Variants in IARS2 observed in about 807,000 individuals in gnomAD.
The protein encoded by IARS2 is isoleucine--tRNA ligase, mitochondrial.
A neutral mutation model predicts 126.3 loss-of-function variants in IARS2; 56 were observed. The observed-to-expected ratio is 0.44, with a 90% CI of 0.36 to 0.55. The LOEUF (loss-of-function observed/expected upper bound fraction) is 0.55, where lower values mean the gene tolerates loss of function less well. Ranked by LOEUF, IARS2 falls within the 20% of genes least tolerant of loss-of-function variation. The pLI, the probability that IARS2 is intolerant of heterozygous loss-of-function variation, is 0.00. For missense variants in IARS2, 1,127 were observed against 1,245.9 expected, an observed-to-expected ratio of 0.90 and a Z score of 1.44; for synonymous variants, 407 against 441.1, an observed-to-expected ratio of 0.92 and a Z score of 0.97.
In IARS2 at chr1:220,147,528, A is replaced by AT. The variant is rs748998893; in HGVS notation, c.2934dup (p.Val979CysfsTer51). On this transcript the variant is annotated frameshift_variant, in exon 23 of 23. Transcript: ENST00000366922. LOFTEE classifies it high-confidence loss of function. ...TCGTGAAGAGTCTTCCTATAAAGTA[A>AT]TTGTCATGCCGACTACGAAAGAAAA... 1 of 1,614,132 alleles carries AT rather than the reference A, an allele frequency of 6.2e-7. No individual in the cohort carries two copies. Among genetic ancestry groups the AT allele is most frequent in the Non-Finnish European group, 8.5e-7 (1 of 1,179,974 alleles).
At chr1:220,135,551 G>T (rs886711121) in intron 15 of IARS2, among the ~76,000 whole-genome samples, 3 of 151,988 alleles carry the variant, frequency 2.0e-5, no homozygotes, top group Non-Finnish European at 2.9e-5. Flanking sequence ...ATAGAGACGG[G>T]ATTTCACCAT....
intron 14 of IARS2, among the ~76,000 whole-genome samples, chr1:220,134,001 A>G (rs959218663): frequency 2.0e-5 from 3 of 151,114 alleles, no homozygotes; most frequent in African/African-American, 7.3e-5. Context: ...TTTAACTGTC[A>G]TGTCTCTCTA....
At chr1:220,096,494 T>C (rs1352394096) in intron 2 of IARS2, among the ~76,000 whole-genome samples, 5 of 152,172 alleles carry the variant, frequency 3.3e-5, no homozygotes, top group African/African-American at 1.2e-4. Flanking sequence ...GGAATAGCAG[T>C]GGACAAAAAA....
Position 220,133,141 on chromosome 1 carries a change from G to A in IARS2, c.1838-1261G>A, listed in dbSNP as rs920071451. ...TTCTCCTGCTTCAGCCTCCCAAGTAGCTGGGATTACAGGCGCCCACCACCG... is the reference window on the plus strand; with the variant it reads ...TTCTCCTGCTTCAGCCTCCCAAGTAACTGGGATTACAGGCGCCCACCACCG... On this transcript the variant is annotated intron_variant, in intron 14 of 22. Coordinates refer to ENST00000366922, the MANE Select transcript of IARS2 (RefSeq NM_018060.4). Among the ~76,000 whole-genome samples the A allele has an allele frequency of 2.6e-5, 4 of 151,904 alleles. No individual in the cohort carries two copies. In the South Asian group the frequency reaches 8.3e-4, roughly 32 times the overall value.
At chr1:220,126,366 T>G (rs1409191465) in intron 13 of IARS2, among the ~76,000 whole-genome samples, 1 of 152,158 alleles carries the variant, frequency 6.6e-6, no homozygotes, top group African/African-American at 2.4e-5. Context: ...GATTGATTGA[T>G]GTTGACTGAT....
In IARS2 at chr1:220,140,211, T is replaced by C; in HGVS notation, c.2336T>C (p.Phe779Ser). The change falls in exon 19 of 23, where the codon TTT becomes TCT. Residue 779 changes from phenylalanine to serine, a missense_variant. Transcript: ENST00000366922. Reference sequence around the variant, plus strand: ...ACCGAATTATACAAACAATATGATTTTGGAAAAGTTGTTCGGCTGTTACGG... The same window carrying C: ...ACCGAATTATACAAACAATATGATTCTGGAAAAGTTGTTCGGCTGTTACGG... Reference protein sequence around the residue: ...KITELYKQYDFGKVVRLLRTF... With the variant: ...KITELYKQYDSGKVVRLLRTF... 1 of 1,612,522 alleles carries C rather than the reference T, an allele frequency of 6.2e-7. No homozygotes were observed. The highest frequency in any genetic ancestry group is 8.5e-7 in the Non-Finnish European group (1 of 1,178,628).
At chr1:220,141,542 T>C (rs373001026) in intron 19 of IARS2, among the ~76,000 whole-genome samples, 5 of 152,362 alleles carry the variant, frequency 3.3e-5, no homozygotes, top group African/African-American at 1.2e-4. Context: ...TTATTCATAG[T>C]CCTTTAATAC....
chr1:220,115,496 G>T (rs1267310062), intron 12 of IARS2, among the ~76,000 whole-genome samples: 1 of 152,076 alleles, frequency 6.6e-6, no homozygotes, highest in Non-Finnish European at 1.5e-5. Context: ...GGAGGCAGAG[G>T]TTGCAGTGAG....
intron 1 of IARS2, 72 bp downstream of exon 1, chr1:220,094,555 C>T: frequency 2.3e-6 from 3 of 1,304,340 alleles, no homozygotes; most frequent in South Asian, 3.0e-5. Context: ...CGCTCGCAGG[C>T]GCCACACCTC....
At chr1:220,105,780 G>A (rs1656666979) in intron 8 of IARS2, 111 bp from the exon 9 acceptor site, 1 of 842,142 alleles carries the variant, frequency 1.2e-6, no homozygotes, top group Non-Finnish European at 1.9e-6. Flanking sequence ...TTTAAGCCTA[G>A]CCAGTATTGT....
At chr1:220,100,926 TC>T (rs1451405402) in intron 3 of IARS2, among the ~76,000 whole-genome samples, 3 of 152,334 alleles carry the variant, frequency 2.0e-5, no homozygotes, top group African/African-American at 7.2e-5. Flanking sequence ...TTTGGTAAAT[TC>T]TTTTTTCTGC....
intron 14 of IARS2, among the ~76,000 whole-genome samples, chr1:220,127,316 C>T (rs1450906073): frequency 6.6e-6 from 1 of 152,170 alleles, no homozygotes; most frequent in Non-Finnish European, 1.5e-5. Context: ...TACTACATTG[C>T]TTTTTGTGGC....
intron 3 of IARS2, 21 bp from the exon 4 acceptor site, chr1:220,102,107 CT>C (rs753047105): frequency 1.3e-6 from 2 of 1,587,774 alleles, no homozygotes; most frequent in Non-Finnish European, 8.5e-7. Context: ...TTTTTAAAAT[CT>C]TTTTTTCGTC....
chr1:220,107,481 C>T (rs564996308), intron 10 of IARS2, among the ~76,000 whole-genome samples: 1 of 152,238 alleles, frequency 6.6e-6, no homozygotes, highest in South Asian at 2.1e-4. Context: ...CACTTTTTAA[C>T]CCTTGTAAAT....
intron 14 of IARS2, among the ~76,000 whole-genome samples, chr1:220,131,432 A>G (rs749789859): frequency 1.2e-4 from 18 of 151,884 alleles, no homozygotes; most frequent in South Asian, 4.2e-4. Flanking sequence ...GCTCACTGCA[A>G]CCTCCACCTC....
chr1:220,094,252 G>C lies in IARS2; in HGVS notation c.36G>C (p.Ala12=). 3 of 1,599,782 alleles carry C rather than the reference G, an allele frequency of 1.9e-6. No homozygotes were observed. The highest frequency in any genetic ancestry group is 2.6e-6 in the Non-Finnish European group (3 of 1,173,130). ...RWGLRPRGPG[A]AALATARSLW... is the part of the protein sequence containing the mutation. ...GGCTGCGCCCTCGCGGGCCGGGCGC[G>C]GCCGCCCTGGCCACTGCCCGAAGTT... The change falls in exon 1 of 23, where the codon GCG becomes GCC. Residue 12 remains alanine, a synonymous_variant. Transcript: ENST00000366922.
Position 220,100,668 on chromosome 1 carries a change from T to G in IARS2, c.550+19T>G. The G allele has an allele frequency of 1.3e-6, 2 of 1,571,138 alleles. No homozygotes were observed. Among genetic ancestry groups the G allele is most frequent in the African/African-American group, 1.4e-5 (1 of 73,718 alleles). On this transcript the variant is annotated intron_variant, in intron 3 of 22. Coordinates refer to ENST00000366922, the MANE Select transcript of IARS2 (RefSeq NM_018060.4). ...AAGAAAGGTAAATAATCTGTATTTC[T>G]GTTTTAAAATGATATTTGTAAACAC...
intron 12 of IARS2, among the ~76,000 whole-genome samples, chr1:220,116,461 T>C (rs1465816): frequency 0.37 from 55,693 of 152,002 alleles, 10,591 homozygotes; most frequent in African/African-American, 0.43. Flanking sequence ...TGAGCAATTT[T>C]TTTTAATTTG....
chr1:220,103,758 A>G (rs1482281099), intron 8 of IARS2, among the ~76,000 whole-genome samples, 196 bp downstream of exon 8: 1 of 152,250 alleles, frequency 6.6e-6, no homozygotes, highest in Non-Finnish European at 1.5e-5. Flanking sequence ...GAATATTGAT[A>G]AATGTACAAC....
Sources: allele counts gnomAD v4.1 joint callset (sites outside exome capture counted in the v4.1 genomes callset), GRCh38; gene constraint gnomAD v4.1.1; transcripts MANE v1.5; gene names NCBI Gene and HGNC (gene_info 2026-07-23, HGNC 2026-07-21).